ATP6V0A2: variants seen among roughly 807,000 people sequenced by gnomAD.
ATP6V0A2 encodes ATPase H+ transporting V0 subunit a2.
Under a neutral mutation model 104.4 loss-of-function variants are expected in ATP6V0A2, and 58 were observed. The ratio of observed to expected loss-of-function variants is 0.56; its 90% confidence interval spans 0.45 to 0.69. The LOEUF is 0.69. Ranked by LOEUF, ATP6V0A2 falls within the 30% of genes least tolerant of loss-of-function variation. ATP6V0A2 has a pLI of 0.00. For missense variants in ATP6V0A2, 938 were observed against 1,062.9 expected (o/e 0.88, Z 1.63); for synonymous variants, 376 against 397.9 (o/e 0.95, Z 0.65).
chr12:123,747,757 A>T (rs201264917), intron 14 of ATP6V0A2, 32 bp downstream of exon 14: 1 of 1,435,160 alleles, frequency 7.0e-7, no homozygotes, highest in Non-Finnish European at 9.8e-7. Flanking sequence ...AGCAATATTT[A>T]TAAACCAAAC....
At chr12:123,723,141 T>C (rs1956416523) in intron 3 of ATP6V0A2, 1 of 152,388 alleles carries the variant, frequency 6.6e-6, no homozygotes, top group Admixed American at 6.5e-5. Context: ...CCTCTGTTTG[T>C]TTATTCGGGA....
rs1416499495 is a variant in ATP6V0A2, at chr12:123,752,358, A to T, written c.2131A>T (p.Asn711Tyr). The T allele has an allele frequency of 1.9e-6, 3 of 1,614,058 alleles. No homozygotes were observed. The African/African-American group carries it at 4.0e-5, about 22-fold the overall frequency. The stretch of plus-strand genomic sequence containing the variant: ...GGGAAGCCAAGATATAGAAGAGGGA[A>T]ATCACCAGGTGGAAGATGGATGTAG... ...LLGSQDIEEG[N>Y]HQVEDGCREM... The change falls in exon 17 of 20, where the codon AAT becomes TAT. Residue 711 changes from asparagine to tyrosine, a missense_variant. Physicochemically the swap from Asn to Tyr is moderately radical, Grantham distance 143 (BLOSUM62 -2). Coordinates refer to ENST00000330342, the MANE Select transcript of ATP6V0A2 (RefSeq NM_012463.4).
rs909283340 is a variant in ATP6V0A2 at position 123,759,965 on chromosome 12, G to A, written c.*1933G>A. 2 of 152,182 alleles carry A rather than the reference G, an allele frequency of 1.3e-5. No individual in the cohort carries two copies. The highest frequency in any genetic ancestry group is 4.8e-5 in the African/African-American group (2 of 41,440). 9.4% of individuals were successfully genotyped at this position (152,182 alleles called of 1,614,324 possible). ...GTGTCATGTCGGGCACTTGTGTTGG[G>A]TGACTATGACATCCCAGCAGTGCTG... On this transcript the variant is annotated 3_prime_UTR_variant, in exon 20 of 20. Coordinates refer to ENST00000330342, the MANE Select transcript of ATP6V0A2 (RefSeq NM_012463.4).
chr12:123,757,890 TA>T, intron 19 of ATP6V0A2, 36 bp from the exon 20 acceptor site: 1 of 1,288,750 alleles, frequency 7.8e-7, no homozygotes, highest in Non-Finnish European at 1.1e-6. Context: ...TGTGATTTCA[TA>T]ATCTTCCATT....
chr12:123,754,853 A>G (rs941623132), intron 18 of ATP6V0A2: 1 of 402,628 alleles, frequency 2.5e-6, no homozygotes, highest in Admixed American at 3.9e-5. Context: ...TGGTGTAAGC[A>G]CTTGCTACTG....
At chr12:123,722,981 A>T (rs1229503106) in intron 3 of ATP6V0A2, among the ~76,000 whole-genome samples, 1 of 152,056 alleles carries the variant, frequency 6.6e-6, no homozygotes, top group Non-Finnish European at 1.5e-5. Context: ...TGTGCTGGGG[A>T]TACATGTGTC....
chr12:123,749,203 C>T (rs540643952), intron 15 of ATP6V0A2, among the ~76,000 whole-genome samples: 30 of 152,124 alleles, frequency 2.0e-4, no homozygotes, highest in Non-Finnish European at 2.6e-4. Context: ...GCAGGAGGAT[C>T]GCTTGAGCCC....
Position 123,758,250 on chromosome 12 carries a change from G to A in ATP6V0A2, c.*218G>A. On this transcript the variant is annotated 3_prime_UTR_variant, in exon 20 of 20. Coordinates refer to ENST00000330342, the MANE Select transcript of ATP6V0A2 (RefSeq NM_012463.4). ...AAAATTTCTTTTGGTTTTTTATGAT[G>A]AGCAAATATAAGTTAATGCCAAACG... 1 of 443,144 alleles carries A rather than the reference G, an allele frequency of 2.3e-6. No homozygotes were observed. Among genetic ancestry groups the A allele is most frequent in the Non-Finnish European group, 4.0e-6 (1 of 251,350 alleles). 27.5% of individuals were successfully genotyped at this position (443,144 alleles called of 1,614,324 possible). A position where few individuals can be genotyped will look rare whatever the true frequency, so the allele number is the denominator to read the frequency against.
At chr12:123,745,708 A>C (rs1227282984) in intron 13 of ATP6V0A2, among the ~76,000 whole-genome samples, 5 of 15,472 alleles carry the variant, frequency 3.2e-4, no homozygotes, top group African/African-American at 1.7e-3. Flanking sequence ...ACTCTGTCTC[A>C]AAAAAAAAAA....
intron 9 of ATP6V0A2, chr12:123,737,676 A>G (rs1956568967): frequency 3.6e-6 from 1 of 278,908 alleles, no homozygotes; most frequent in Non-Finnish European, 7.0e-6. Flanking sequence ...GAAATAAAAG[A>G]GTATGAAAGA....
chr12:123,724,398 C>T (rs895821181), intron 3 of ATP6V0A2: 10 of 375,406 alleles, frequency 2.7e-5, no homozygotes, highest in East Asian at 6.4e-5. Context: ...CGTGGTGATG[C>T]GCACCTGTAG....
chr12:123,743,827 C>G lies in ATP6V0A2; in HGVS notation c.1081C>G (p.Pro361Ala). The change falls in exon 10 of 20, where the codon CCC (proline) becomes GCC (alanine). Residue 361 changes from proline to alanine, a missense_variant. Transcript: ENST00000330342. The stretch of plus-strand genomic sequence containing the variant: ...AATCCCCTCATTCATGAATATAATC[C>G]CCACAAAAGAAACACCCCCCACTCG... ...ATIPSFMNIIPTKETPPTRIR... is the reference protein window; with the variant it reads ...ATIPSFMNIIATKETPPTRIR... The G allele has an allele frequency of 7.4e-6, 12 of 1,613,830 alleles. No homozygotes were observed. The highest frequency in any genetic ancestry group is 9.3e-6 in the Non-Finnish European group (11 of 1,179,934).
chr12:123,745,115 C>A, intron 13 of ATP6V0A2, 143 bp downstream of exon 13: 2 of 875,098 alleles, frequency 2.3e-6, no homozygotes, highest in South Asian at 1.4e-5. Context: ...GCATCCCAGT[C>A]CCGGACACTG....
chr12:123,754,555 C>T lies in ATP6V0A2; in HGVS notation c.2293+18C>T. On this transcript the variant is annotated intron_variant, in intron 18 of 19. Coordinates refer to ENST00000330342, the MANE Select transcript of ATP6V0A2 (RefSeq NM_012463.4). ...TCACGCACGTAAGTTCCTGCTTAGA[C>T]CTGCAGTTCCCAATGCCCTGTAGTG... 6.4e-7 allele frequency: 1 copy of T among 1,565,522 alleles called. No homozygotes were observed. The highest frequency in any genetic ancestry group is 8.8e-7 in the Non-Finnish European group (1 of 1,135,586).
chr12:123,728,784 G>A (rs905007977), intron 6 of ATP6V0A2, among the ~76,000 whole-genome samples: 1 of 152,140 alleles, frequency 6.6e-6, no homozygotes, highest in Non-Finnish European at 1.5e-5. Context: ...ATTACTGGTC[G>A]TGGTCCCTCT....
rs767732870 is a variant in ATP6V0A2 at position 123,724,730 on chromosome 12, A to G, written c.371A>G (p.Glu124Gly). Residue 124 changes from glutamate to glycine, a missense_variant, in exon 4 of 20, where the codon GAA (glutamate) becomes GGA (glycine). By Grantham distance (98) the Glu-to-Gly change is moderately conservative. Transcript: ENST00000330342. The part of the protein sequence containing the change: ...NKEKLRKNLL[E>G]LIEYTHMLRV... Reference sequence around the variant, plus strand: ...GAGAAACTGAGGAAAAACTTGCTGGAACTGATAGAGTACACTCACATGCTG... The same window carrying G: ...GAGAAACTGAGGAAAAACTTGCTGGGACTGATAGAGTACACTCACATGCTG... 1.9e-6 allele frequency: 3 copies of G among 1,613,862 alleles called. No individual in the cohort carries two copies. The highest frequency in any genetic ancestry group is 2.5e-6 in the Non-Finnish European group (3 of 1,179,880).
intron 13 of ATP6V0A2, among the ~76,000 whole-genome samples, chr12:123,746,933 A>C (rs1025953283): frequency 1.3e-5 from 2 of 152,220 alleles, no homozygotes; most frequent in Admixed American, 1.3e-4. Context: ...ACTCCTCAAA[A>C]AAAAAAAAAT....
rs1240408609 is a variant in ATP6V0A2 at position 123,761,399 on chromosome 12, G to T, written c.*3367G>T. 6.6e-6 allele frequency: 1 copy of T among 152,176 alleles called. No homozygotes were observed. Among genetic ancestry groups the T allele is most frequent in the African/African-American group, 2.4e-5 (1 of 41,434 alleles). The allele number at this position is 152,176 out of a possible 1,614,324, so 9.4% of individuals were successfully genotyped here. A position where few individuals can be genotyped will look rare whatever the true frequency, so the allele number is the denominator to read the frequency against. ...AAAACGTAAAGCCGGGTTTGCTTGC[G>T]TGCCACAGGGAATATATCCAGGAAG... On this transcript the variant is annotated 3_prime_UTR_variant, in exon 20 of 20. Coordinates refer to ENST00000330342, the MANE Select transcript of ATP6V0A2 (RefSeq NM_012463.4).
chr12:123,720,414 G>C (rs1956387764), intron 2 of ATP6V0A2, among the ~76,000 whole-genome samples: 1 of 152,184 alleles, frequency 6.6e-6, no homozygotes, highest in Non-Finnish European at 1.5e-5. Flanking sequence ...AAAGAATGCA[G>C]GGCTGGGCAC....
Sources: gnomAD v4.1 joint callset for allele counts (sites outside exome capture counted in the v4.1 genomes callset) on GRCh38, gnomAD v4.1.1 for gene constraint, MANE v1.5 for transcripts, NCBI Gene and HGNC (gene_info 2026-07-23, HGNC 2026-07-21) for gene names.